The following IL5RA variants were observed in gnomAD, a reference collection of about 807,000 sequenced individuals.
IL5RA encodes the protein interleukin-5 receptor subunit alpha.
Under a neutral mutation model 50.0 loss-of-function variants are expected in IL5RA, and 49 were observed. That is an observed-to-expected ratio of 0.98 (90% CI 0.78 to 1.24). IL5RA has a LOEUF of 1.24. Ranked by LOEUF, IL5RA falls within the 50% of genes most tolerant of loss-of-function variation. IL5RA has a pLI of 0.00. For synonymous variants in IL5RA, 202 were observed against 174.0 expected (o/e 1.16, Z -1.26); for missense variants, 600 against 500.4 (o/e 1.20, Z -1.90).
At chr3:3,070,548 C>T (rs929227248) in intron 11 of IL5RA, among the ~76,000 whole-genome samples, 5 of 140,758 alleles carry the variant, frequency 3.6e-5, no homozygotes, top group South Asian at 2.4e-4. Flanking sequence ...TTTCTTTAGA[C>T]TTACTTGAAG....
chr3:3,109,238 G>C (rs1704070901), intron 1 of IL5RA, among the ~76,000 whole-genome samples: 1 of 152,008 alleles, frequency 6.6e-6, no homozygotes, highest in African/African-American at 2.4e-5. Context: ...ACAAAACCAA[G>C]TGACATATTT....
intron 11 of IL5RA, among the ~76,000 whole-genome samples, chr3:3,074,428 C>T (rs1046523749): frequency 1.3e-5 from 2 of 152,160 alleles, no homozygotes; most frequent in Non-Finnish European, 2.9e-5. Flanking sequence ...ACACTTATAA[C>T]TCAGTACCTT....
intron 9 of IL5RA, among the ~76,000 whole-genome samples, chr3:3,089,536 C>T (rs753492191): frequency 6.6e-6 from 1 of 152,194 alleles, no homozygotes; most frequent in South Asian, 2.1e-4. Flanking sequence ...TGAACTAAAT[C>T]TCTCCTATGT....
chr3:3,085,089 C>T (rs17883117), intron 9 of IL5RA, among the ~76,000 whole-genome samples: 5 of 152,012 alleles, frequency 3.3e-5, no homozygotes, highest in South Asian at 2.1e-4. Flanking sequence ...GGCAGTCCGC[C>T]CCCCCTGGTG....
intron 9 of IL5RA, among the ~76,000 whole-genome samples, chr3:3,087,483 G>T (rs1702917278): frequency 6.6e-6 from 1 of 152,036 alleles, no homozygotes. Flanking sequence ...GGCTATAATG[G>T]GTTAATTAGT....
intron 7 of IL5RA, among the ~76,000 whole-genome samples, chr3:3,096,426 C>T (rs1411972523): frequency 6.6e-6 from 1 of 152,044 alleles, no homozygotes; most frequent in African/African-American, 2.4e-5. Context: ...TAATGAGTGT[C>T]CTTGTCTTAG....
chr3:3,070,125 C>T lies in IL5RA; in HGVS notation c.*100G>A. On this transcript the variant is annotated 3_prime_UTR_variant, in exon 12 of 12. Coordinates refer to ENST00000446632, the MANE Select transcript of IL5RA (RefSeq NM_175726.4). ...GCTTCGCAGGTAAATTGAGTGTTGC[C>T]TAAATTCTGAACACCTCTTAGCCAA... is the stretch of plus-strand genomic sequence containing the variant. 1.3e-6 allele frequency: 1 copy of T among 746,714 alleles called. No individual in the cohort carries two copies. Among genetic ancestry groups the T allele is most frequent in the Non-Finnish European group, 2.3e-6 (1 of 431,870 alleles). The allele number at this position is 746,714 out of a possible 1,614,324, so 46.3% of individuals were successfully genotyped here. A position where few individuals can be genotyped will look rare whatever the true frequency, so the allele number is the denominator to read the frequency against.
At chr3:3,099,257 A>T (rs753003485) in intron 5 of IL5RA, among the ~76,000 whole-genome samples, 5 of 152,188 alleles carry the variant, frequency 3.3e-5, no homozygotes, top group Non-Finnish European at 4.4e-5. Flanking sequence ...GTGCTCTGGG[A>T]GGCCAAGGCG....
intron 9 of IL5RA, among the ~76,000 whole-genome samples, chr3:3,089,116 T>C (rs993014646): frequency 2.0e-5 from 3 of 152,154 alleles, no homozygotes; most frequent in Non-Finnish European, 2.9e-5. Context: ...AAGATTGGTC[T>C]CAACAGAATT....
At chr3:3,080,564 G>A (rs752555636) in intron 9 of IL5RA, among the ~76,000 whole-genome samples, 8 of 152,142 alleles carry the variant, frequency 5.3e-5, no homozygotes, top group Non-Finnish European at 7.4e-5. Context: ...TTGTATCCCC[G>A]TTTCTGATAA....
At chr3:3,079,551 G>A (rs1057374942) in intron 9 of IL5RA, among the ~76,000 whole-genome samples, 1 of 152,130 alleles carries the variant, frequency 6.6e-6, no homozygotes, top group Non-Finnish European at 1.5e-5. Flanking sequence ...CTGGAAACCT[G>A]GCTTGTAGTC....
chr3:3,094,949 A>G (rs947875272), intron 8 of IL5RA, among the ~76,000 whole-genome samples: 6 of 150,828 alleles, frequency 4.0e-5, no homozygotes, highest in Admixed American at 4.0e-4. Flanking sequence ...CTGGTCTTGA[A>G]CTCCTGGTCT....
intron 5 of IL5RA, among the ~76,000 whole-genome samples, chr3:3,099,628 C>CA (rs1703542844): frequency 6.7e-6 from 1 of 149,496 alleles, no homozygotes; most frequent in Non-Finnish European, 1.5e-5. Flanking sequence ...GACCCTGTCT[C>CA]AAAAAACAAA....
At chr3:3,103,956 A>G (rs991629704) in intron 3 of IL5RA, among the ~76,000 whole-genome samples, 6 of 152,302 alleles carry the variant, frequency 3.9e-5, no homozygotes, top group African/African-American at 1.4e-4. Context: ...TGTTTACCAC[A>G]TGAGGACTTT....
At chr3:3,097,810 C>T in intron 7 of IL5RA, 60 bp downstream of exon 7, 1 of 1,536,738 alleles carries the variant, frequency 6.5e-7, no homozygotes, top group Admixed American at 1.9e-5. Context: ...TATAACCCTT[C>T]CTTCCAGTGC....
At position 3,102,758 on chromosome 3, in the gene IL5RA, G is replaced by C. The variant is rs772280129; in HGVS notation, c.145C>G (p.Gln49Glu). The change falls in exon 4 of 12, where the codon CAA (glutamine) becomes GAA (glutamate). Residue 49 changes from glutamine (Q) to glutamate (E), a missense_variant. Coordinates refer to ENST00000446632, the MANE Select transcript of IL5RA (RefSeq NM_175726.4). ...KVTGLAQVLL[Q>E]WKPNPDQEQR... ...TCTTGATCAGGATTTGGTTTCCATT[G>C]TAAAAGAACTTGAGCCAAACCAGTA... 2 of 1,610,856 alleles carry C rather than the reference G, an allele frequency of 1.2e-6. No homozygotes were observed. The highest frequency in any genetic ancestry group is 8.5e-7 in the Non-Finnish European group (1 of 1,177,634).
intron 2 of IL5RA, among the ~76,000 whole-genome samples, chr3:3,106,887 CTA>C (rs17887062): frequency 0.12 from 17,514 of 152,062 alleles, 1,096 homozygotes; most frequent in South Asian, 0.17. Flanking sequence ...CAAAGTAAAA[CTA>C]TGTTATAAAT....
Position 3,098,069 on chromosome 3 carries a change from C to A in IL5RA, c.522-12G>T. Reference sequence around the variant, plus strand: ...TCCAAGAGCCATACCTAAATTGGAACATTTACGAGTGTTATGAGGTTGCAG... The same window carrying A: ...TCCAAGAGCCATACCTAAATTGGAAAATTTACGAGTGTTATGAGGTTGCAG... On this transcript the variant is annotated splice_polypyrimidine_tract_variant and intron_variant, in intron 6 of 11. Transcript: ENST00000446632. 1.2e-6 allele frequency: 2 copies of A among 1,614,090 alleles called. No homozygotes were observed. The highest frequency in any genetic ancestry group is 4.5e-5 in the East Asian group (2 of 44,862).
At chr3:3,079,264 G>T (rs559613487) in intron 9 of IL5RA, among the ~76,000 whole-genome samples, 3 of 152,112 alleles carry the variant, frequency 2.0e-5, no homozygotes, top group Non-Finnish European at 2.9e-5. Flanking sequence ...TAAACTGTCC[G>T]TAGGTAAAAC....
Sources: allele counts gnomAD v4.1 joint callset (sites outside exome capture counted in the v4.1 genomes callset), GRCh38; gene constraint gnomAD v4.1.1; transcripts MANE v1.5; gene names NCBI Gene and HGNC (gene_info 2026-07-23, HGNC 2026-07-21).